SIL1: variants seen among roughly 807,000 people sequenced by gnomAD.
SIL1 encodes SIL1 nucleotide exchange factor.
A neutral mutation model predicts 49.1 loss-of-function variants in SIL1; 40 were observed. That is an observed-to-expected ratio of 0.81 (90% CI 0.63 to 1.06). SIL1 has a LOEUF of 1.06. SIL1 is among the 50% of genes least tolerant of loss of function. The pLI, the probability that SIL1 is intolerant of heterozygous loss-of-function variation, is 0.00. For missense variants in SIL1, 500 were observed against 572.6 expected, an observed-to-expected ratio of 0.87 and a Z score of 1.29; for synonymous variants, 253 against 250.8, an observed-to-expected ratio of 1.01 and a Z score of -0.08.
intron 3 of SIL1, among the ~76,000 whole-genome samples, chr5:139,093,050 A>G (rs1394048192): frequency 1.3e-5 from 2 of 152,196 alleles, no homozygotes; most frequent in Non-Finnish European, 2.9e-5. Flanking sequence ...CTTCCCAACT[A>G]CATGGAAGGC....
chr5:139,160,181 A>T (rs1233276557), intron 1 of SIL1, among the ~76,000 whole-genome samples: 2 of 135,516 alleles, frequency 1.5e-5, no homozygotes, highest in African/African-American at 5.0e-5. Context: ...ACACACACAC[A>T]CACACAAAAG....
chr5:138,966,938 A>T (rs573618494), intron 7 of SIL1, among the ~76,000 whole-genome samples: 2 of 152,302 alleles, frequency 1.3e-5, no homozygotes, highest in East Asian at 3.9e-4. Flanking sequence ...GCCTTAACTT[A>T]TCTCAATTTG....
chr5:139,156,962 C>T (rs1392814044), intron 1 of SIL1, among the ~76,000 whole-genome samples: 3 of 152,236 alleles, frequency 2.0e-5, no homozygotes, highest in Non-Finnish European at 2.9e-5. Flanking sequence ...CAGGCCAGCA[C>T]TCTTGAGCCC....
intron 3 of SIL1, among the ~76,000 whole-genome samples, chr5:139,109,695 TA>T (rs534819027): frequency 0.039 from 4,682 of 121,510 alleles, 176 homozygotes; most frequent in African/African-American, 0.1. Flanking sequence ...AAGGGGATGT[TA>T]AAAAAAAAAA....
intron 7 of SIL1, among the ~76,000 whole-genome samples, chr5:138,957,451 G>A (rs1766926669): frequency 6.6e-6 from 1 of 151,614 alleles, no homozygotes; most frequent in African/African-American, 2.4e-5. Flanking sequence ...GGGCATGGTG[G>A]TATGCACCTA....
At chr5:139,149,874 A>C (rs1461643653) in intron 1 of SIL1, among the ~76,000 whole-genome samples, 1 of 152,170 alleles carries the variant, frequency 6.6e-6, no homozygotes, top group East Asian at 1.9e-4. Context: ...CCTCCTTGCC[A>C]GACAGGTTAG....
chr5:139,134,105 A>AT (rs1221921330), intron 1 of SIL1, among the ~76,000 whole-genome samples: 2 of 152,026 alleles, frequency 1.3e-5, no homozygotes, highest in Non-Finnish European at 2.9e-5. Context: ...TCATCACTCC[A>AT]TTTTTTTATT....
intron 3 of SIL1, among the ~76,000 whole-genome samples, chr5:139,100,676 A>G (rs1770566697): frequency 6.6e-6 from 1 of 152,172 alleles, no homozygotes; most frequent in South Asian, 2.1e-4. Flanking sequence ...TTCTGGATAT[A>G]TTTTTTGAAG....
At chr5:139,171,649 A>G (rs1270186091) in intron 1 of SIL1, among the ~76,000 whole-genome samples, 1 of 151,700 alleles carries the variant, frequency 6.6e-6, no homozygotes, top group African/African-American at 2.4e-5. Context: ...CTATTGTCCT[A>G]TGACCCTGCC....
At chr5:139,048,380 T>TG (rs202208659) in intron 4 of SIL1, among the ~76,000 whole-genome samples, 2,856 of 142,214 alleles carry the variant, frequency 0.02, 47 homozygotes, top group Non-Finnish European at 0.033. Flanking sequence ...TTTTTTTTTT[T>TG]TTTTTTTTTT....
chr5:139,092,623 A>C (rs760364048), intron 3 of SIL1, among the ~76,000 whole-genome samples: 3 of 152,186 alleles, frequency 2.0e-5, no homozygotes, highest in Non-Finnish European at 2.9e-5. Context: ...TGGGCACCAC[A>C]CCAAAAACAG....
chr5:139,049,195 C>CA (rs1769234759), intron 4 of SIL1, among the ~76,000 whole-genome samples: 1 of 152,150 alleles, frequency 6.6e-6, no homozygotes, highest in Non-Finnish European at 1.5e-5. Flanking sequence ...TTTTCTGAGA[C>CA]AGAGTCTCGC....
intron 3 of SIL1, among the ~76,000 whole-genome samples, chr5:139,100,458 A>G (rs2151782050): frequency 6.6e-6 from 1 of 152,350 alleles, no homozygotes; most frequent in East Asian, 1.9e-4. Flanking sequence ...TGTGCAGGCC[A>G]AAGAAGGAGC....
chr5:138,956,262 A>G (rs1766899205), intron 7 of SIL1, among the ~76,000 whole-genome samples: 2 of 152,230 alleles, frequency 1.3e-5, no homozygotes, highest in South Asian at 4.1e-4. Flanking sequence ...AGTGCAGCTC[A>G]CCTTCTTGCC....
At chr5:139,046,821 T>C (rs1473463202) in intron 4 of SIL1, among the ~76,000 whole-genome samples, 1 of 152,228 alleles carries the variant, frequency 6.6e-6, no homozygotes, top group Non-Finnish European at 1.5e-5. Flanking sequence ...CATTGGTTCC[T>C]TTCCTTCCTC....
chr5:139,127,154 G>A (rs968306324), intron 2 of SIL1, among the ~76,000 whole-genome samples: 1 of 152,218 alleles, frequency 6.6e-6, no homozygotes, highest in African/African-American at 2.4e-5. Flanking sequence ...GTGTGGCCCA[G>A]AAAGAACAGG....
At chr5:138,957,050 C>A (rs1766918371) in intron 7 of SIL1, among the ~76,000 whole-genome samples, 1 of 152,060 alleles carries the variant, frequency 6.6e-6, no homozygotes, top group African/African-American at 2.4e-5. Flanking sequence ...ACCACAGTAA[C>A]AGCAACTCAC....
At chr5:138,971,577 C>G (rs1460738031) in intron 7 of SIL1, among the ~76,000 whole-genome samples, 4 of 152,168 alleles carry the variant, frequency 2.6e-5, no homozygotes, top group Non-Finnish European at 5.9e-5. Flanking sequence ...GATTAACTCC[C>G]CTGAACCTGG....
intron 1 of SIL1, among the ~76,000 whole-genome samples, chr5:139,187,136 G>A (rs1298188723): frequency 2.0e-5 from 3 of 152,152 alleles, no homozygotes; most frequent in South Asian, 2.1e-4. Flanking sequence ...ATAAAAGTGT[G>A]CTGAATTCTA....
Sources: allele counts gnomAD v4.1 joint callset (sites outside exome capture counted in the v4.1 genomes callset), GRCh38; gene constraint gnomAD v4.1.1; transcripts MANE v1.5; gene names NCBI Gene and HGNC (gene_info 2026-07-23, HGNC 2026-07-21).